Variants in PCSK5 observed in about 807,000 individuals in gnomAD.
PCSK5 encodes the protein prohormone convertase 5.
In PCSK5, 129 loss-of-function variants were observed where a neutral mutation model predicts 233.2. That is an observed-to-expected ratio of 0.55 (90% CI 0.48 to 0.64). PCSK5 has a LOEUF of 0.64. Among genes scored for constraint, PCSK5 ranks in the 30% least tolerant of loss-of-function variants. The pLI, the probability that PCSK5 is intolerant of heterozygous loss-of-function variation, is 0.00. For synonymous variants in PCSK5, 825 were observed against 879.2 expected (o/e 0.94, Z 1.09); for missense variants, 2,076 against 2,430.1 (o/e 0.85, Z 3.06).
At chr9:76,289,501 AC>A (rs1451501060) in intron 24 of PCSK5, among the ~76,000 whole-genome samples, 2 of 122,376 alleles carry the variant, frequency 1.6e-5, no homozygotes, top group Admixed American at 8.1e-5. Flanking sequence ...ACACACACAC[AC>A]ACACACACGC....
At chr9:76,169,228 G>A (rs980128180) in intron 12 of PCSK5, among the ~76,000 whole-genome samples, 5 of 152,158 alleles carry the variant, frequency 3.3e-5, no homozygotes, top group South Asian at 2.1e-4. Context: ...GAAGTTTTTC[G>A]TGTGAACATA....
intron 6 of PCSK5, among the ~76,000 whole-genome samples, chr9:76,070,801 G>A (rs749841302): frequency 1.2e-4 from 19 of 152,048 alleles, no homozygotes; most frequent in Admixed American, 5.9e-4. Context: ...TTTAATCCCC[G>A]TTTGTTGATA....
At chr9:76,124,994 C>T (rs555891418) in intron 9 of PCSK5, among the ~76,000 whole-genome samples, 7 of 152,176 alleles carry the variant, frequency 4.6e-5, no homozygotes, top group African/African-American at 1.7e-4. Flanking sequence ...TGTTATTCTT[C>T]TAGTCTGGAC....
chr9:76,354,298 G>A, intron 37 of PCSK5, 79 bp downstream of exon 37: 1 of 1,118,716 alleles, frequency 8.9e-7, no homozygotes, highest in South Asian at 1.6e-5. Context: ...AGGGGGGGAT[G>A]GAAAGTTCAG....
intron 24 of PCSK5, among the ~76,000 whole-genome samples, chr9:76,273,563 TAA>T (rs1491369305): frequency 1.1e-4 from 7 of 66,656 alleles, no homozygotes; most frequent in African/African-American, 4.5e-4. Context: ...AACAAAATAG[TAA>T]TATATATATA....
chr9:76,354,089 A>G lies in PCSK5; in HGVS notation c.5124A>G (p.Pro1708=), dbSNP rs1309787873. ...CHESCMECKG[P]GAKNCTLCPA... The stretch of plus-strand genomic sequence containing the variant: ...AGAGCTGCATGGAATGCAAGGGACC[A>G]GGGGCCAAGAACTGCACCTTGTGCC... Residue 1708 remains proline (P), a synonymous_variant, in exon 37 of 38, where the codon CCA becomes CCG. Transcript: ENST00000674117. The G allele has an allele frequency of 2.5e-6, 4 of 1,609,148 alleles. No individual in the cohort carries two copies. Among genetic ancestry groups the G allele is most frequent in the South Asian group, 2.2e-5 (2 of 89,984 alleles).
At chr9:75,964,247 G>C (rs1017547783) in intron 2 of PCSK5, among the ~76,000 whole-genome samples, 10 of 152,116 alleles carry the variant, frequency 6.6e-5, no homozygotes, top group African/African-American at 2.4e-4. Flanking sequence ...TCCATACTTA[G>C]GTAGCTCAGA....
intron 2 of PCSK5, among the ~76,000 whole-genome samples, chr9:75,946,058 C>G (rs866629792): frequency 3.9e-5 from 6 of 152,166 alleles, no homozygotes; most frequent in African/African-American, 1.4e-4. Context: ...CTGTGGTATT[C>G]CCATGGCCTG....
intron 20 of PCSK5, among the ~76,000 whole-genome samples, chr9:76,210,152 G>A (rs531840039): frequency 3.3e-5 from 5 of 152,118 alleles, no homozygotes; most frequent in African/African-American, 4.8e-5. Context: ...CAAAGAAAAC[G>A]CCAGTGGTGA....
chr9:76,276,992 C>T (rs1289150686), intron 24 of PCSK5, among the ~76,000 whole-genome samples: 1 of 152,106 alleles, frequency 6.6e-6, no homozygotes, highest in South Asian at 2.1e-4. Flanking sequence ...TTGTGGGAGG[C>T]CAAGGCGGGT....
chr9:76,071,993 G>T, intron 7 of PCSK5, 95 bp downstream of exon 7: 1 of 1,228,624 alleles, frequency 8.1e-7, no homozygotes, highest in Non-Finnish European at 1.1e-6. Context: ...CTAGAGAACT[G>T]GATGGAGCTC....
At chr9:76,217,112 C>T (rs1051111711) in intron 20 of PCSK5, among the ~76,000 whole-genome samples, 2 of 152,154 alleles carry the variant, frequency 1.3e-5, no homozygotes, top group Non-Finnish European at 2.9e-5. Context: ...CGTGAGCCAC[C>T]ACCATTACTA....
chr9:75,972,852 G>A (rs919650540), intron 2 of PCSK5, among the ~76,000 whole-genome samples: 15 of 152,102 alleles, frequency 9.9e-5, no homozygotes, highest in East Asian at 1.9e-4. Context: ...TTTGAATGGC[G>A]TTGATTAATC....
intron 3 of PCSK5, among the ~76,000 whole-genome samples, chr9:76,009,285 A>G (rs548112801): frequency 4.6e-5 from 7 of 152,322 alleles, no homozygotes; most frequent in Admixed American, 1.3e-4. Flanking sequence ...CAGTTGGACT[A>G]AAACTTTTTT....
intron 13 of PCSK5, among the ~76,000 whole-genome samples, chr9:76,173,496 C>CTTTTTTTTTTT (rs59248860): frequency 0.013 from 784 of 60,872 alleles, 99 homozygotes; most frequent in Non-Finnish European, 0.017. Context: ...GGCACGTTTC[C>CTTTTTTTTTTT]TTTTTTTTTT....
chr9:76,048,984 A>C (rs117973565), intron 5 of PCSK5, among the ~76,000 whole-genome samples: 1,838 of 152,246 alleles, frequency 0.012, 19 homozygotes, highest in Non-Finnish European at 0.02. Flanking sequence ...CTACGATCAT[A>C]TTTATCATAT....
rs1827253877 is a variant in PCSK5, at chr9:76,263,753, A to G, written c.3142+23069A>G. On this transcript the variant is annotated intron_variant, in intron 24 of 37. Coordinates refer to ENST00000674117, the MANE Select transcript of PCSK5 (RefSeq NM_001372043.1). ...TGTAACTAACCTGCACATTGTGCAC[A>G]TGTACCCTAAAACTTAAAGTATAAT... 3.3e-5 allele frequency among the ~76,000 whole-genome samples: 5 copies of G among 152,182 alleles called. 1 individual carries two copies. In the South Asian group the frequency reaches 1.0e-3, roughly 32 times the overall value.
intron 1 of PCSK5, among the ~76,000 whole-genome samples, chr9:75,899,749 C>A (rs915497352): frequency 2.6e-5 from 4 of 152,160 alleles, no homozygotes; most frequent in African/African-American, 9.6e-5. Flanking sequence ...ATAAAGGAAG[C>A]TTGTGGAAGG....
intron 5 of PCSK5, among the ~76,000 whole-genome samples, chr9:76,065,849 A>G (rs1830267813): frequency 6.6e-6 from 1 of 151,922 alleles, no homozygotes; most frequent in Non-Finnish European, 1.5e-5. Flanking sequence ...GGGGGGTAAT[A>G]GTTTCATTTT....
Sources: gnomAD v4.1 joint callset for allele counts (sites outside exome capture counted in the v4.1 genomes callset) on GRCh38, gnomAD v4.1.1 for gene constraint, MANE v1.5 for transcripts, NCBI Gene and HGNC (gene_info 2026-07-23, HGNC 2026-07-21) for gene names.